Variants in CLEC4A observed in about 807,000 individuals in gnomAD.
CLEC4A encodes the protein C-type lectin domain family 4 member A, also known as C-type (calcium dependent, carbohydrate-recognition domain) lectin, superfamily member 6.
Under a neutral mutation model 32.7 loss-of-function variants are expected in CLEC4A, and 27 were observed. The ratio of observed to expected loss-of-function variants is 0.83; its 90% CI spans 0.61 to 1.14. The LOEUF is 1.14. Ranked by LOEUF, CLEC4A falls within the 50% of genes most tolerant of loss-of-function variation. The pLI, the probability that CLEC4A is intolerant of heterozygous loss-of-function variation, is 0.00. For synonymous variants in CLEC4A, 89 were observed against 93.7 expected (o/e 0.95, Z 0.29); for missense variants, 253 against 274.6 (o/e 0.92, Z 0.55).
upstream of CLEC4A, among the ~76,000 whole-genome samples, chr12:8,122,242 T>C (rs944980061): frequency 1.3e-5 from 2 of 151,066 alleles, no homozygotes; most frequent in African/African-American, 4.9e-5. Flanking sequence ...TGTGGTAGGA[T>C]AGCCCGGTGA....
rs760011229 is a variant in CLEC4A at position 8,138,346 on chromosome 12, A to G, written c.*59A>G. On this transcript the variant is annotated 3_prime_UTR_variant, in exon 6 of 6. Coordinates refer to ENST00000229332, the MANE Select transcript of CLEC4A (RefSeq NM_016184.4). ...GGTATCTGTCATTGTAGGGATAGAT[A>G]ATAAGCTCTTCTTATTCATGTGTAA... 2.5e-6 allele frequency: 4 copies of G among 1,591,410 alleles called. No individual in the cohort carries two copies. In the African/African-American group the frequency reaches 4.0e-5, roughly 16 times the overall value.
chr12:8,104,703 G>C, the CLEC4A span, among the ~76,000 whole-genome samples: 1 of 152,220 alleles, frequency 6.6e-6, no homozygotes, highest in East Asian at 1.9e-4. Context: ...TACTTGATAG[G>C]TAGTTTTTCA....
Position 8,129,288 on chromosome 12 carries a change from T to A in CLEC4A, c.224T>A (p.Leu75His). Residue 75 changes from leucine (L) to histidine (H), a missense_variant, in exon 3 of 6, where the codon CTT (leucine) becomes CAT (histidine). Coordinates refer to ENST00000229332, the MANE Select transcript of CLEC4A (RefSeq NM_016184.4). Reference protein sequence around the residue: ...FVIFFQKYSQLLEKKTTKELV... With the variant: ...FVIFFQKYSQHLEKKTTKELV... ...GTTTTCTTTCAAAAATATTCTCAGC[T>A]TCTTGAAAAAAAGACTACAAAAGAG... 6.2e-7 allele frequency: 1 copy of A among 1,604,682 alleles called. No individual in the cohort carries two copies. The highest frequency in any genetic ancestry group is 8.5e-7 in the Non-Finnish European group (1 of 1,176,492).
chr12:8,129,328 A>C lies in CLEC4A; in HGVS notation c.264A>C (p.Thr88=). The change falls in exon 3 of 6, where the codon ACA becomes ACC. Residue 88 remains threonine, a synonymous_variant. Transcript: ENST00000229332. ...KKTTKELVHT[T]LECVKKNMPV... ...CTACAAAAGAGCTGGTTCATACAACATTGGAGTGTGTGAAAAAAAATATGC... is the reference window on the plus strand; with the variant it reads ...CTACAAAAGAGCTGGTTCATACAACCTTGGAGTGTGTGAAAAAAAATATGC... The C allele has an allele frequency of 6.2e-7, 1 of 1,609,866 alleles. No homozygotes were observed. The highest frequency in any genetic ancestry group is 8.5e-7 in the Non-Finnish European group (1 of 1,178,706).
the CLEC4A span, among the ~76,000 whole-genome samples, chr12:8,113,337 G>A: frequency 6.6e-6 from 1 of 152,060 alleles, no homozygotes; most frequent in East Asian, 1.9e-4. Context: ...TGGTGTATAT[G>A]TGCCACATTT....
chr12:8,120,044 A>G (rs2120552527), upstream of CLEC4A, among the ~76,000 whole-genome samples: 2 of 152,366 alleles, frequency 1.3e-5, no homozygotes, highest in South Asian at 4.1e-4. Flanking sequence ...AGAGGGTCCT[A>G]AATGGAAATT....
At chr12:8,123,416 T>G (rs992311454), upstream of CLEC4A, among the ~76,000 whole-genome samples, 2 of 152,206 alleles carry the variant, frequency 1.3e-5, no homozygotes, top group African/African-American at 4.8e-5. Context: ...TCAGTCAAAA[T>G]TGATGAGATG....
the CLEC4A span, among the ~76,000 whole-genome samples, chr12:8,103,373 GTTGTTTTTTTTTTTTTTTTT>G: frequency 3.8e-5 from 3 of 78,036 alleles, no homozygotes; most frequent in Non-Finnish European, 7.1e-5. Context: ...GTTTCTTTCT[GTTGTTTTTTTTTTTTTTTTT>G]TTTTTTTTTT....
intron 3 of CLEC4A, among the ~76,000 whole-genome samples, chr12:8,130,743 T>C (rs1947982480): frequency 6.6e-6 from 1 of 152,304 alleles, no homozygotes; most frequent in Admixed American, 6.5e-5. Flanking sequence ...TGCAAAGAGA[T>C]CTCATTTTTC....
In CLEC4A at chr12:8,138,146, G is replaced by C. The variant is rs367679455; in HGVS notation, c.573G>C (p.Trp191Cys). 1 of 1,613,260 alleles carries C rather than the reference G, an allele frequency of 6.2e-7. No individual in the cohort carries two copies. Among genetic ancestry groups the C allele is most frequent in the African/African-American group, 1.3e-5 (1 of 74,896 alleles). ...QTPYNESSTF[W>C]HPREPSDPNE... is the part of the protein sequence containing the mutation. The stretch of plus-strand genomic sequence containing the variant: ...TCCTTTTTGTCGCTTTCAGATTCTG[G>C]CATCCACGTGAGCCCAGTGATCCCA... Residue 191 changes from tryptophan to cysteine, a missense_variant, in exon 6 of 6, where the codon TGG (tryptophan) becomes TGC (cysteine). Transcript: ENST00000229332.
intron 2 of CLEC4A, among the ~76,000 whole-genome samples, chr12:8,128,801 A>G (rs1301927001): frequency 6.6e-6 from 1 of 152,170 alleles, no homozygotes; most frequent in Non-Finnish European, 1.5e-5. Context: ...GGAGAGAGTA[A>G]TGGAGAGAAG....
the CLEC4A span, among the ~76,000 whole-genome samples, chr12:8,116,354 G>T: frequency 6.6e-6 from 1 of 152,118 alleles, no homozygotes; most frequent in South Asian, 2.1e-4. Context: ...CTTCTGCCTT[G>T]GCTTCCCAAA....
the CLEC4A span, among the ~76,000 whole-genome samples, chr12:8,114,303 GGC>G: frequency 0.013 from 1,993 of 152,070 alleles, 19 homozygotes; most frequent in Middle Eastern, 0.031. Context: ...GGAGTGCAGT[GGC>G]GTGATCTCGG....
intron 2 of CLEC4A, among the ~76,000 whole-genome samples, chr12:8,127,278 T>C (rs1947917117): frequency 6.6e-6 from 1 of 152,232 alleles, no homozygotes; most frequent in Non-Finnish European, 1.5e-5. Flanking sequence ...ACATGGCAAC[T>C]GGCAGGCTTT....
the CLEC4A span, among the ~76,000 whole-genome samples, chr12:8,103,353 T>C: frequency 6.7e-5 from 2 of 29,946 alleles, 1 homozygote; most frequent in Non-Finnish European, 7.8e-4. Flanking sequence ...GAACTACTAG[T>C]TGTTTCTTTG....
At chr12:8,120,429 A>T (rs1164883717), upstream of CLEC4A, among the ~76,000 whole-genome samples, 1 of 152,210 alleles carries the variant, frequency 6.6e-6, no homozygotes, top group African/African-American at 2.4e-5. Context: ...AATTCCAAGG[A>T]TTTAAAGGCT....
the CLEC4A span, among the ~76,000 whole-genome samples, chr12:8,110,074 A>G: frequency 6.6e-6 from 1 of 152,084 alleles, no homozygotes; most frequent in East Asian, 1.9e-4. Context: ...CTTTTATAGT[A>G]TATACCTTTT....
chr12:8,119,656 G>C (rs1310692541), upstream of CLEC4A, among the ~76,000 whole-genome samples: 1 of 152,182 alleles, frequency 6.6e-6, no homozygotes, highest in Non-Finnish European at 1.5e-5. Context: ...TGAACAGAAT[G>C]GTCACTTGCC....
intron 3 of CLEC4A, among the ~76,000 whole-genome samples, chr12:8,135,273 A>G (rs1428651359): frequency 1.3e-5 from 2 of 150,946 alleles, no homozygotes; most frequent in African/African-American, 4.9e-5. Context: ...ATAATGACTT[A>G]TTTTCTATTG....
Sources: allele counts gnomAD v4.1 joint callset (sites outside exome capture counted in the v4.1 genomes callset), GRCh38; gene constraint gnomAD v4.1.1; transcripts MANE v1.5; gene names NCBI Gene and HGNC (gene_info 2026-07-23, HGNC 2026-07-21).